TMPRSS4: variants seen among roughly 807,000 people sequenced by gnomAD.
The protein encoded by TMPRSS4 is transmembrane protease serine 4.
A neutral mutation model predicts 56.4 loss-of-function variants in TMPRSS4; 45 were observed. That is an observed-to-expected ratio of 0.80 (90% CI 0.63 to 1.02). The LOEUF (loss-of-function observed/expected upper bound fraction) is 1.02, where lower values mean the gene tolerates loss of function less well. Among genes scored for constraint, TMPRSS4 ranks in the 50% least tolerant of loss-of-function variants. TMPRSS4 has a pLI of 0.00. For missense variants in TMPRSS4, 546 were observed against 556.7 expected, an observed-to-expected ratio of 0.98 and a Z score of 0.19; for synonymous variants, 205 against 211.0, an observed-to-expected ratio of 0.97 and a Z score of 0.25.
intron 1 of TMPRSS4, among the ~76,000 whole-genome samples, chr11:118,091,521 C>A (rs1945964070): frequency 6.6e-6 from 1 of 152,102 alleles, no homozygotes; most frequent in African/African-American, 2.4e-5. Context: ...CTTCCCCTAG[C>A]CCTCCTCTCC....
intron 1 of TMPRSS4, among the ~76,000 whole-genome samples, chr11:118,084,161 C>T (rs891326004): frequency 1.3e-5 from 2 of 152,160 alleles, no homozygotes; most frequent in African/African-American, 4.8e-5. Context: ...CTCTCTCCCT[C>T]TTTTTCACAC....
downstream of TMPRSS4, among the ~76,000 whole-genome samples, chr11:118,124,307 C>T (rs1947850909): frequency 6.6e-6 from 1 of 152,116 alleles, no homozygotes; most frequent in African/African-American, 2.4e-5. Flanking sequence ...ATTGCTTGAA[C>T]CCGGGAGGCG....
chr11:118,123,121 G>A (rs11216774), downstream of TMPRSS4, among the ~76,000 whole-genome samples: 10,462 of 151,856 alleles, frequency 0.069, 882 homozygotes, highest in East Asian at 0.4. Context: ...AGCATGAATG[G>A]ACTAAGACCA....
In TMPRSS4 at chr11:118,117,473, A is replaced by C. The variant is rs749307791; in HGVS notation, c.1302+19A>C. ...CTGGAAGGTAAGGTACCTTTGCCCTACCCACTGTGCCTTCCCTCCAGTCCT... is the reference window on the plus strand; with the variant it reads ...CTGGAAGGTAAGGTACCTTTGCCCTCCCCACTGTGCCTTCCCTCCAGTCCT... On this transcript the variant is annotated intron_variant, in intron 12 of 12. Transcript: ENST00000437212. The C allele has an allele frequency of 4.4e-6, 7 of 1,602,446 alleles. No homozygotes were observed. Among genetic ancestry groups the C allele is most frequent in the Non-Finnish European group, 6.0e-6 (7 of 1,173,146 alleles).
chr11:118,100,825 T>A (rs1014767115), intron 3 of TMPRSS4, among the ~76,000 whole-genome samples: 1 of 152,168 alleles, frequency 6.6e-6, no homozygotes, highest in African/African-American at 2.4e-5. Flanking sequence ...AGCTGGACAC[T>A]CCCTGTCCCA....
intron 11 of TMPRSS4, 160 bp downstream of exon 11, chr11:118,115,440 C>A: frequency 1.2e-6 from 1 of 829,016 alleles, no homozygotes; most frequent in Non-Finnish European, 1.8e-6. Context: ...AAAGGATAGT[C>A]AGATAAAAGT....
chr11:118,106,488 C>CT (rs113285420), intron 5 of TMPRSS4: 12,533 of 139,492 alleles, frequency 0.09, 992 homozygotes, highest in East Asian at 0.34. Context: ...GTCCACGCAT[C>CT]TTTTTTTTTT....
At chr11:118,115,312 AG>A (rs1947491095) in intron 11 of TMPRSS4, 32 bp downstream of exon 11, 1 of 1,609,054 alleles carries the variant, frequency 6.2e-7, no homozygotes, top group South Asian at 1.1e-5. Flanking sequence ...GGGAGTTCTA[AG>A]AATAGGGTTT....
chr11:118,108,536 C>G (rs754725629), intron 6 of TMPRSS4: 1 of 342,626 alleles, frequency 2.9e-6, no homozygotes, highest in African/African-American at 2.1e-5. Context: ...ATTTGGAAAG[C>G]CCACAGTGTC....
chr11:118,099,464 A>AAAG (rs1946613615), intron 3 of TMPRSS4, among the ~76,000 whole-genome samples: 2 of 22,244 alleles, frequency 9.0e-5, no homozygotes, highest in African/African-American at 1.4e-4. Context: ...AGAGAGAAAG[A>AAAG]AAGAAAGAAA....
rs920141380 is a variant in TMPRSS4 at position 118,099,021 on chromosome 11, A to G, written c.80A>G (p.Glu27Gly). 1 of 1,613,788 alleles carries G rather than the reference A, an allele frequency of 6.2e-7. No individual in the cohort carries two copies. The highest frequency in any genetic ancestry group is 8.5e-7 in the Non-Finnish European group (1 of 1,179,934). The change falls in exon 3 of 13, where the codon GAG (glutamate) becomes GGG (glycine). Residue 27 changes from glutamate to glycine, a missense_variant. Transcript: ENST00000437212. ...KPLRKPRIPM[E>G]TFRKVGIPII... ...CTGCGCAAACCCCGTATCCCCATGG[A>G]GACCTTCAGAAAGGTGGGGATCCCC...
At chr11:118,104,276 G>C (rs1946874841) in intron 4 of TMPRSS4, among the ~76,000 whole-genome samples, 1 of 152,154 alleles carries the variant, frequency 6.6e-6, no homozygotes, top group African/African-American at 2.4e-5. Flanking sequence ...GAAGGACTTA[G>C]GTCCCTCTCT....
intron 2 of TMPRSS4, chr11:118,095,304 A>T (rs541792005): frequency 4.8e-5 from 8 of 165,382 alleles, no homozygotes; most frequent in Middle Eastern, 3.0e-3. Context: ...TAAGTTAATA[A>T]ATAGAATGAT....
chr11:118,092,767 A>G, intron 1 of TMPRSS4, among the ~76,000 whole-genome samples: 1 of 152,232 alleles, frequency 6.6e-6, no homozygotes, highest in East Asian at 1.9e-4. Context: ...ATGAACAAGG[A>G]CAGTTTGGAG....
intron 1 of TMPRSS4, among the ~76,000 whole-genome samples, chr11:118,090,737 C>T (rs914662176): frequency 6.6e-6 from 1 of 151,898 alleles, no homozygotes; most frequent in African/African-American, 2.4e-5. Flanking sequence ...GAAATCACAA[C>T]ATTGCACTTC....
intron 11 of TMPRSS4, among the ~76,000 whole-genome samples, chr11:118,115,879 C>T (rs1591412509): frequency 1.3e-5 from 2 of 152,246 alleles, no homozygotes; most frequent in East Asian, 1.9e-4. Context: ...ACCCTTCTCA[C>T]TAGCTACAGA....
chr11:118,098,317 C>G (rs190342316), intron 2 of TMPRSS4, among the ~76,000 whole-genome samples: 13 of 152,368 alleles, frequency 8.5e-5, no homozygotes, highest in Admixed American at 6.5e-4. Context: ...TCCCAAACTG[C>G]ATTTAAGTGC....
At chr11:118,112,506 C>T (rs1157474422) in intron 8 of TMPRSS4, among the ~76,000 whole-genome samples, 1 of 149,632 alleles carries the variant, frequency 6.7e-6, no homozygotes, top group African/African-American at 2.5e-5. Flanking sequence ...AATTCTCCTG[C>T]CTCAGCTTCC....
intron 12 of TMPRSS4, 120 bp downstream of exon 12, chr11:118,117,574 T>A: frequency 6.7e-7 from 1 of 1,499,694 alleles, no homozygotes; most frequent in Non-Finnish European, 8.9e-7. Flanking sequence ...CAAATAACTT[T>A]CCCTCCAAGC....
Sources: allele counts gnomAD v4.1 joint callset (sites outside exome capture counted in the v4.1 genomes callset), GRCh38; gene constraint gnomAD v4.1.1; transcripts MANE v1.5; gene names NCBI Gene and HGNC (gene_info 2026-07-23, HGNC 2026-07-21).